The following NECAB3 variants were observed in gnomAD, a reference collection of about 807,000 sequenced individuals.
NECAB3 encodes the protein N-terminal EF-hand calcium-binding protein 3.
NECAB3 carries 38 observed loss-of-function variants against 57.2 expected under a neutral mutation model. The observed-to-expected ratio is 0.66, with a 90% CI of 0.51 to 0.87. The LOEUF (loss-of-function observed/expected upper bound fraction) is 0.87. NECAB3 is among the 40% of genes least tolerant of loss of function. The probability of loss-of-function intolerance (pLI) is 0.00; values close to 1 mark genes in which losing one functional copy is unlikely to be tolerated. For synonymous variants in NECAB3, 223 were observed against 222.6 expected (o/e 1.00, Z -0.02); for missense variants, 474 against 527.5 (o/e 0.90, Z 0.99).
chr20:33,670,614 G>A (rs2017808973), intron 3 of NECAB3, 70 bp downstream of exon 3: 11 of 1,131,214 alleles, frequency 9.7e-6, no homozygotes, highest in Non-Finnish European at 1.4e-5. Context: ...AGGAACCAAG[G>A]CAGCAGGGGA....
At chr20:33,670,562 C>T in intron 3 of NECAB3, 122 bp downstream of exon 3, 2 of 654,920 alleles carry the variant, frequency 3.1e-6, no homozygotes, top group Non-Finnish European at 2.6e-6. Flanking sequence ...GGAACTGAGC[C>T]CTGGTACCTT....
At chr20:33,670,331 G>A (rs1171316191) in intron 3 of NECAB3, 2 of 233,606 alleles carry the variant, frequency 8.6e-6, no homozygotes, top group Non-Finnish European at 8.4e-6. Flanking sequence ...AGATGTGGGA[G>A]CACACAAGGG....
intron 1 of NECAB3, among the ~76,000 whole-genome samples, chr20:33,672,965 T>C (rs747103593): frequency 2.6e-5 from 4 of 152,140 alleles, no homozygotes; most frequent in South Asian, 2.1e-4. Flanking sequence ...CACTAGCAAA[T>C]AGATCAGGAG....
Position 33,669,445 on chromosome 20 carries a change from T to G in NECAB3, c.317A>C (p.Tyr106Ser), listed in dbSNP as rs773114376. Reference sequence around the variant, plus strand: ...TTCCAATGCAGCCAGCACCGGCCGGTAGACACCCAGGTGCTCTGAGAAGTA... The same window carrying G: ...TTCCAATGCAGCCAGCACCGGCCGGGAGACACCCAGGTGCTCTGAGAAGTA... ...CDYFSEHLGV[Y>S]RPVLAALESL... Residue 106 changes from tyrosine to serine, a missense_variant, in exon 5 of 12, where the codon TAC becomes TCC. Tyr to Ser is a moderately radical substitution (Grantham distance 144). Transcript: ENST00000246190. 1.2e-6 allele frequency: 2 copies of G among 1,613,556 alleles called. No individual in the cohort carries two copies. The highest frequency in any genetic ancestry group is 3.3e-5 in the Admixed American group (2 of 59,992).
At chr20:33,672,498 G>T (rs1568903967) in intron 1 of NECAB3, 76 bp from the exon 2 acceptor site, 4 of 1,585,578 alleles carry the variant, frequency 2.5e-6, no homozygotes, top group African/African-American at 2.7e-5. Context: ...ACCCGACAGG[G>T]TCCCAGCTGG....
chr20:33,673,202 C>T (rs1205210928), intron 1 of NECAB3, among the ~76,000 whole-genome samples: 1 of 152,130 alleles, frequency 6.6e-6, no homozygotes, highest in Non-Finnish European at 1.5e-5. Flanking sequence ...CCCAGGTCAC[C>T]CAAAGCAGCC....
At position 33,659,680 on chromosome 20, in the gene NECAB3, C is replaced by T; in HGVS notation, c.696G>A (p.Gln232=). 6.2e-7 allele frequency: 1 copy of T among 1,609,628 alleles called. No homozygotes were observed. The highest frequency in any genetic ancestry group is 1.3e-5 in the African/African-American group (1 of 75,028). Residue 232 remains glutamine, a synonymous_variant, in exon 8 of 12, where the codon CAG becomes CAA. Transcript: ENST00000246190. ...TGCACTCGAGCTGGTCGATGAGCTC[C>T]TGGAGGCGGTTCACCTGGAGCCGCC... ...MQWRLQVNRL[Q]ELIDQLECKV...
chr20:33,664,214 T>A, intron 5 of NECAB3: 3 of 275,648 alleles, frequency 1.1e-5, no homozygotes, highest in Non-Finnish European at 1.3e-5. Flanking sequence ...GCCACGCTAG[T>A]GAGAGGGACC....
In NECAB3 at chr20:33,658,558, T is replaced by C; in HGVS notation, c.993-4A>G. ...CAGCATCTTCTGGGCGGACACACTG[T>C]AGGGCCAAAGAGATGGGCAGGCCAG... On this transcript the variant is annotated splice_polypyrimidine_tract_variant and splice_region_variant and intron_variant, in intron 9 of 11. Transcript: ENST00000246190. 3 of 1,614,022 alleles carry C rather than the reference T, an allele frequency of 1.9e-6. No homozygotes were observed. The highest frequency in any genetic ancestry group is 2.2e-5 in the South Asian group (2 of 91,080).
Position 33,663,954 on chromosome 20 carries a change from G to C in NECAB3, c.388-3559C>G, listed in dbSNP as rs77678017. ...GTCGGAGGCGTCTGGGCGCGGAGTC[G>C]GGGTGGGCAAAGCTCAGCCTAGGAG... On this transcript the variant is annotated intron_variant, in intron 5 of 11. Coordinates refer to ENST00000246190, the MANE Select transcript of NECAB3 (RefSeq NM_031232.4). The C allele has an allele frequency of 5.7e-3, 6,915 of 1,222,186 alleles. 299 individuals carry two copies. In the African/African-American group the frequency reaches 0.099, roughly 18 times the overall value. The allele number at this position is 1,222,186 out of a possible 1,614,324, so 75.7% of individuals were successfully genotyped here.
At chr20:33,671,153 G>A (rs1450455396) in intron 2 of NECAB3, among the ~76,000 whole-genome samples, 1 of 152,208 alleles carries the variant, frequency 6.6e-6, no homozygotes, top group Non-Finnish European at 1.5e-5. Flanking sequence ...TTGGGGACCA[G>A]CCTCACTGCA....
chr20:33,670,401 TC>T, intron 3 of NECAB3: 1 of 376,356 alleles, frequency 2.7e-6, no homozygotes, highest in Non-Finnish European at 4.8e-6. Context: ...GGCCCAGCTG[TC>T]CCCAGGCATC....
chr20:33,670,852 C>A, intron 2 of NECAB3, 60 bp from the exon 3 acceptor site: 1 of 1,294,480 alleles, frequency 7.7e-7, no homozygotes, highest in South Asian at 1.2e-5. Context: ...GACTGCACCC[C>A]TGCCACCAGG....
chr20:33,659,877 A>C lies in NECAB3; in HGVS notation c.643+8T>G, dbSNP rs1469522217. ...TCGGCCAGGCCTCCCACCCCACCCC[A>C]GGCGCACCTGTGTCAGAAGAGCCGG... On this transcript the variant is annotated splice_region_variant and intron_variant, in intron 7 of 11. Coordinates refer to ENST00000246190, the MANE Select transcript of NECAB3 (RefSeq NM_031232.4). 1.3e-6 allele frequency: 2 copies of C among 1,542,782 alleles called. No individual in the cohort carries two copies. Among genetic ancestry groups the C allele is most frequent in the East Asian group, 2.4e-5 (1 of 40,984 alleles).
chr20:33,672,019 G>A, intron 2 of NECAB3: 1 of 276,532 alleles, frequency 3.6e-6, no homozygotes, highest in African/African-American at 2.2e-5. Context: ...ATTAAAGGCT[G>A]TGTGACCTTA....
chr20:33,673,947 C>T (rs569092614), intron 1 of NECAB3, among the ~76,000 whole-genome samples: 87 of 152,146 alleles, frequency 5.7e-4, no homozygotes, highest in Non-Finnish European at 1.9e-4. Flanking sequence ...GTGACCGCTG[C>T]TGTGATTGTC....
rs760213676 is a variant in NECAB3 at position 33,659,618 on chromosome 20, C to T, written c.758G>A (p.Gly253Glu). 1.2e-6 allele frequency: 2 copies of T among 1,609,678 alleles called. No individual in the cohort carries two copies. The highest frequency in any genetic ancestry group is 1.7e-6 in the Non-Finnish European group (2 of 1,178,734). The change falls in exon 8 of 12, where the codon GGA (glycine) becomes GAA (glutamate). Residue 253 changes from glycine (G) to glutamate (E), a missense_variant. Gly to Glu is a moderately conservative substitution (Grantham distance 98). Coordinates refer to ENST00000246190, the MANE Select transcript of NECAB3 (RefSeq NM_031232.4). ...TGGCTCTGGTGGATACCAGGAGGGT[C>T]CTCCCTTGTGGGGCCCTGGCCCCAC... ...RAVGPGPHKG[G>E]PSWYPPEPGP...
At position 33,659,586 on chromosome 20, in the gene NECAB3, A is replaced by G; in HGVS notation, c.790T>C (p.Cys264Arg). The G allele has an allele frequency of 6.3e-7, 1 of 1,599,324 alleles. No individual in the cohort carries two copies. The highest frequency in any genetic ancestry group is 2.3e-5 in the East Asian group (1 of 44,164). ...ACAGAGTGTGGGCCGGGCCTCCAGC[A>G]TGGGCCTGGCTCTGGTGGATACCAG... ...PSWYPPEPGP[C>R]WRPGPHSVPS... The change falls in exon 8 of 12, where the codon TGC becomes CGC. Residue 264 changes from cysteine to arginine, a missense_variant. By Grantham distance (180) the Cys-to-Arg change is radical. Transcript: ENST00000246190.
At chr20:33,670,632 G>A (rs1309489699) in intron 3 of NECAB3, 52 bp downstream of exon 3, 3 of 1,321,408 alleles carry the variant, frequency 2.3e-6, no homozygotes, top group Non-Finnish European at 3.2e-6. Flanking sequence ...GGACACAGTG[G>A]GGTAAAGACA....
Sources: allele counts gnomAD v4.1 joint callset (sites outside exome capture counted in the v4.1 genomes callset), GRCh38; gene constraint gnomAD v4.1.1; transcripts MANE v1.5; gene names NCBI Gene and HGNC (gene_info 2026-07-23, HGNC 2026-07-21).